Variants in TSHZ3 observed in about 807,000 individuals in gnomAD.
TSHZ3 encodes the protein teashirt zinc finger homeobox 3.
TSHZ3 carries 10 observed loss-of-function variants against 64.5 expected under a neutral mutation model. The ratio of observed to expected loss-of-function variants is 0.16; its 90% CI spans 0.10 to 0.26. TSHZ3 has a LOEUF of 0.26. Ranked by LOEUF, TSHZ3 falls within the 10% of genes least tolerant of loss-of-function variation. The pLI is 1.00. For synonymous variants in TSHZ3, 608 were observed against 593.1 expected (o/e 1.03, Z -0.36); for missense variants, 1,242 against 1,421.7 (o/e 0.87, Z 2.03).
intron 4 of TSHZ3, among the ~76,000 whole-genome samples, chr19:31,223,376 G>A (rs1279652012): frequency 6.6e-6 from 1 of 150,546 alleles, no homozygotes; most frequent in African/African-American, 2.5e-5. Context: ...GTGTGTGTGT[G>A]TGTGTGTGTG....
At chr19:31,341,066 G>A (rs1317727460) in intron 1 of TSHZ3, among the ~76,000 whole-genome samples, 1 of 152,158 alleles carries the variant, frequency 6.6e-6, no homozygotes, top group African/African-American at 2.4e-5. Context: ...ATAGATGGGG[G>A]AAGGCACGTG....
intron 4 of TSHZ3, among the ~76,000 whole-genome samples, chr19:31,218,613 A>C (rs1975361508): frequency 6.6e-6 from 1 of 152,246 alleles, no homozygotes; most frequent in Admixed American, 6.5e-5. Flanking sequence ...TATGTGTAAT[A>C]GGTTTATTAA....
intron 1 of TSHZ3, among the ~76,000 whole-genome samples, chr19:31,310,500 C>A (rs1365071555): frequency 2.0e-5 from 3 of 152,150 alleles, no homozygotes; most frequent in Admixed American, 1.3e-4. Flanking sequence ...AGGAGAGAAT[C>A]CCTTCCACCT....
At chr19:31,197,874 A>G (rs8109039) in intron 5 of TSHZ3, among the ~76,000 whole-genome samples, 105,893 of 151,822 alleles carry the variant, frequency 0.7, 37,126 homozygotes, top group African/African-American at 0.77. Flanking sequence ...AATATTTAAG[A>G]GAAAAATAAT....
chr19:31,165,528 G>A (rs1599555571), intron 5 of TSHZ3, among the ~76,000 whole-genome samples: 1 of 152,126 alleles, frequency 6.6e-6, no homozygotes, highest in African/African-American at 2.4e-5. Flanking sequence ...TAAAATAAAC[G>A]AAGAAACAAA....
chr19:31,173,265 G>T (rs772117047), intron 5 of TSHZ3, among the ~76,000 whole-genome samples: 1 of 152,232 alleles, frequency 6.6e-6, no homozygotes, highest in East Asian at 1.9e-4. Context: ...TAGATGTGGG[G>T]TCTGAGAGAT....
chr19:31,277,829 T>C lies in TSHZ3; in HGVS notation c.1964A>G (p.Lys655Arg), dbSNP rs1599620082. ...GCCCCCATCGCTGGATGCCTCCATC[T>C]TGATGGGTTCCCCGACTTCGCTGCT... The part of the protein sequence containing the change: ...PCSSEVGEPI[K>R]MEASSDGGFR... Residue 655 changes from lysine to arginine, a missense_variant, in exon 2 of 2, where the codon AAG (lysine) becomes AGG (arginine). Coordinates refer to ENST00000240587, the MANE Select transcript of TSHZ3 (RefSeq NM_020856.4). This position sits in a 1 kb window ranked among gnomAD's most constrained non-coding sequence, Gnocchi z 4.5. The C allele has an allele frequency of 1.3e-6, 2 of 1,572,768 alleles. No individual in the cohort carries two copies. Among genetic ancestry groups the C allele is most frequent in the African/African-American group, 1.4e-5 (1 of 73,630 alleles).
At chr19:31,233,935 CAAAAA>C (rs35438995) in intron 3 of TSHZ3, among the ~76,000 whole-genome samples, 1 of 118,192 alleles carries the variant, frequency 8.5e-6, no homozygotes. Flanking sequence ...TAATTCCTAC[CAAAAA>C]AAAAAAAAAA....
At chr19:31,313,955 CA>C (rs1407366925) in intron 1 of TSHZ3, among the ~76,000 whole-genome samples, 1 of 152,206 alleles carries the variant, frequency 6.6e-6, no homozygotes, top group African/African-American at 2.4e-5. Flanking sequence ...ACTTGTAAAT[CA>C]GGTAATACCT....
At chr19:31,181,737 C>A (rs1222509915) in intron 5 of TSHZ3, among the ~76,000 whole-genome samples, 1 of 152,200 alleles carries the variant, frequency 6.6e-6, no homozygotes, top group African/African-American at 2.4e-5. Context: ...AGTCCCAGGC[C>A]AGGGGACTTG....
intron 1 of TSHZ3, among the ~76,000 whole-genome samples, chr19:31,348,315 T>C (rs898027490): frequency 2.0e-5 from 3 of 152,176 alleles, no homozygotes; most frequent in African/African-American, 7.2e-5. Flanking sequence ...CCAGAAACCC[T>C]TCTTCCAGGC....
intron 5 of TSHZ3, among the ~76,000 whole-genome samples, chr19:31,198,727 T>C (rs1975029198): frequency 6.6e-6 from 1 of 152,020 alleles, no homozygotes; most frequent in South Asian, 2.1e-4. Context: ...TCTAACAAAA[T>C]ATGTACAAAA....
At chr19:31,304,216 G>T (rs1353789106) in intron 1 of TSHZ3, among the ~76,000 whole-genome samples, 1 of 152,154 alleles carries the variant, frequency 6.6e-6, no homozygotes, top group Non-Finnish European at 1.5e-5. Context: ...CTCGTGATCT[G>T]CCTGCCTCGG....
At chr19:31,311,439 C>T (rs892373045) in intron 1 of TSHZ3, among the ~76,000 whole-genome samples, 1 of 152,140 alleles carries the variant, frequency 6.6e-6, no homozygotes, top group Admixed American at 6.5e-5. Flanking sequence ...TGTCACAGGA[C>T]CTTCTTGGGG....
At chr19:31,203,926 G>T (rs927443750) in intron 5 of TSHZ3, among the ~76,000 whole-genome samples, 1 of 151,872 alleles carries the variant, frequency 6.6e-6, no homozygotes. Context: ...AAGGAAAGAG[G>T]CTTAGTGGAC....
rs1170802259 is a variant in TSHZ3 at position 31,333,699 on chromosome 19, C to A, written c.40+15481G>T. On this transcript the variant is annotated intron_variant, in intron 1 of 1. Coordinates refer to ENST00000240587, the MANE Select transcript of TSHZ3 (RefSeq NM_020856.4). ...GGGACTTTACAGTGGGATGCTTGTC[C>A]CAGAGCTGCCTCTCCAGGCCAAGTG... Among the ~76,000 whole-genome samples, 6 of 152,060 alleles carry A rather than the reference C, an allele frequency of 3.9e-5. No homozygotes were observed. In the East Asian group the frequency reaches 1.2e-3, roughly 30 times the overall value.
chr19:31,160,757 T>C (rs888169203), intron 5 of TSHZ3, among the ~76,000 whole-genome samples: 4 of 151,474 alleles, frequency 2.6e-5, no homozygotes, highest in Admixed American at 6.6e-5. Context: ...TACACAAAAC[T>C]ACACACACAT....
At chr19:31,272,809 G>A (rs1172535657), downstream of TSHZ3, among the ~76,000 whole-genome samples, 1 of 152,160 alleles carries the variant, frequency 6.6e-6, no homozygotes, top group African/African-American at 2.4e-5. Flanking sequence ...AAGATATACA[G>A]TAGGACTGCA....
chr19:31,264,729 C>T (rs1473356490), intron 1 of TSHZ3, among the ~76,000 whole-genome samples: 2 of 149,594 alleles, frequency 1.3e-5, no homozygotes, highest in Non-Finnish European at 3.0e-5. Flanking sequence ...TTTTTTTAAG[C>T]CGTGTGGCTC....
Sources: allele counts gnomAD v4.1 joint callset (sites outside exome capture counted in the v4.1 genomes callset), GRCh38; gene constraint gnomAD v4.1.1; non-coding constraint Gnocchi (gnomAD v3.1); transcripts MANE v1.5; gene names NCBI Gene and HGNC (gene_info 2026-07-23, HGNC 2026-07-21).